MAP3K3: variants seen among roughly 807,000 people sequenced by gnomAD.
The protein encoded by MAP3K3 is mitogen-activated protein kinase kinase kinase 3.
A neutral mutation model predicts 80.9 loss-of-function variants in MAP3K3; 12 were observed. The ratio of observed to expected loss-of-function variants is 0.15; its 90% CI spans 0.10 to 0.24. The LOEUF is 0.24. MAP3K3 is among the 10% of genes least tolerant of loss of function. MAP3K3 has a pLI of 1.00. For synonymous variants in MAP3K3, 272 were observed against 307.1 expected (o/e 0.89, Z 1.19); for missense variants, 596 against 834.7 (o/e 0.71, Z 3.52).
intron 6 of MAP3K3, 105 bp from the exon 7 acceptor site, chr17:63,681,661 A>C: frequency 9.3e-7 from 1 of 1,076,574 alleles, no homozygotes; most frequent in Non-Finnish European, 1.2e-6. Flanking sequence ...GACCCATCTG[A>C]GTCACATTCC....
chr17:63,690,571 G>A, intron 12 of MAP3K3, 159 bp downstream of exon 12: 1 of 782,018 alleles, frequency 1.3e-6, no homozygotes, highest in East Asian at 2.7e-5. Context: ...AGGGTGAAAG[G>A]ACTGTGGTCT....
chr17:63,644,852 AT>A (rs1346464018), intron 2 of MAP3K3, among the ~76,000 whole-genome samples: 11 of 151,958 alleles, frequency 7.2e-5, no homozygotes, highest in African/African-American at 2.7e-4. Flanking sequence ...CTTCAAAATA[AT>A]TTTTCTTCAT....
chr17:63,688,707 T>C, intron 9 of MAP3K3, 82 bp from the exon 10 acceptor site: 2 of 1,407,044 alleles, frequency 1.4e-6, no homozygotes, highest in Admixed American at 3.4e-5. Flanking sequence ...TGCTTTGAGG[T>C]CTCAGGTGCC....
chr17:63,635,590 G>GATA (rs1292571898), intron 2 of MAP3K3, among the ~76,000 whole-genome samples: 1 of 152,234 alleles, frequency 6.6e-6, no homozygotes, highest in Non-Finnish European at 1.5e-5. Flanking sequence ...TTCTAGGAAA[G>GATA]ATAGGGTAAG....
rs539332830 is a variant in MAP3K3, at chr17:63,679,467, C to T, written c.503-2299C>T. 7.9e-5 allele frequency among the ~76,000 whole-genome samples: 12 copies of T among 152,192 alleles called. No homozygotes were observed. In the South Asian group the frequency reaches 2.1e-3, roughly 26 times the overall value. ...TACTTCCAGGTACAGGCTGAGTGCT[C>T]CTGGCTCCACATGAGCTTTGTTGTT... is the stretch of plus-strand genomic sequence containing the variant. On this transcript the variant is annotated intron_variant, in intron 6 of 15. Transcript: ENST00000361733.
At chr17:63,635,218 A>G (rs867189937) in intron 2 of MAP3K3, among the ~76,000 whole-genome samples, 13 of 152,242 alleles carry the variant, frequency 8.5e-5, no homozygotes, top group African/African-American at 2.9e-4. Flanking sequence ...TTATTGGGCA[A>G]GAAATTATGT....
chr17:63,623,176 G>A (rs983733333), intron 1 of MAP3K3, among the ~76,000 whole-genome samples: 1 of 152,146 alleles, frequency 6.6e-6, no homozygotes, highest in Non-Finnish European at 1.5e-5. Context: ...TCTTTTCCTT[G>A]ATTTGCTTTT....
intron 1 of MAP3K3, among the ~76,000 whole-genome samples, chr17:63,630,321 A>G (rs2143158083): frequency 6.6e-6 from 1 of 152,258 alleles, no homozygotes; most frequent in African/African-American, 2.4e-5. Context: ...AAATCAAAAC[A>G]AAAAACCAAG....
chr17:63,647,303 G>A (rs2034560209), intron 3 of MAP3K3, among the ~76,000 whole-genome samples: 2 of 152,160 alleles, frequency 1.3e-5, no homozygotes, highest in South Asian at 2.1e-4. Flanking sequence ...CCTGTGTCCT[G>A]CCATTAGCAG....
intron 2 of MAP3K3, among the ~76,000 whole-genome samples, chr17:63,644,541 A>G (rs779288956): frequency 3.3e-5 from 5 of 152,222 alleles, no homozygotes; most frequent in Non-Finnish European, 7.3e-5. Flanking sequence ...TTAAATGAAT[A>G]AAGTAAATTT....
intron 5 of MAP3K3, among the ~76,000 whole-genome samples, chr17:63,659,525 CTTTTTTTTTT>C (rs57166616): frequency 6.2e-5 from 4 of 64,590 alleles, no homozygotes; most frequent in Non-Finnish European, 1.1e-4. Context: ...CTGTCATGGA[CTTTTTTTTTT>C]TTTTTTTTTT....
At chr17:63,628,839 GATTAA>G (rs2143146390) in intron 1 of MAP3K3, among the ~76,000 whole-genome samples, 1 of 152,286 alleles carries the variant, frequency 6.6e-6, no homozygotes, top group South Asian at 2.1e-4. Flanking sequence ...TATTAGGGTA[GATTAA>G]ATGGCCTCCA....
At chr17:63,648,801 C>T (rs2034591473) in intron 3 of MAP3K3, among the ~76,000 whole-genome samples, 1 of 151,848 alleles carries the variant, frequency 6.6e-6, no homozygotes, top group Admixed American at 6.6e-5. Context: ...GGGGACAGAG[C>T]GAGACTCCAT....
At position 63,622,518 on chromosome 17, in the gene MAP3K3, G is replaced by C. The variant is rs1212380929; in HGVS notation, c.-242G>C. On this transcript the variant is annotated 5_prime_UTR_variant, in exon 1 of 16. Transcript: ENST00000361733. ...CGGGCCGAGCGGCGCCGCCGAGGCC[G>C]GGCTGGGCCGAGCCCAGGAGCGCCC... is the stretch of plus-strand genomic sequence containing the variant. The C allele has an allele frequency of 6.5e-6, 1 of 152,946 alleles. No individual in the cohort carries two copies. The highest frequency in any genetic ancestry group is 1.4e-5 in the Non-Finnish European group (1 of 69,056). 9.5% of individuals were successfully genotyped at this position (152,946 alleles called of 1,614,324 possible). A position where few individuals can be genotyped will look rare whatever the true frequency, so the allele number is the denominator to read the frequency against.
At chr17:63,657,330 A>G (rs2034791615) in intron 4 of MAP3K3, among the ~76,000 whole-genome samples, 1 of 152,168 alleles carries the variant, frequency 6.6e-6, no homozygotes, top group Admixed American at 6.5e-5. Flanking sequence ...GCATGGATGA[A>G]CTAAAAAACA....
At chr17:63,659,671 T>G (rs1279398694) in intron 5 of MAP3K3, among the ~76,000 whole-genome samples, 2 of 151,722 alleles carry the variant, frequency 1.3e-5, no homozygotes, top group Admixed American at 6.6e-5. Context: ...AAGCTGGGAT[T>G]ACAGGTGCAC....
chr17:63,668,729 G>A (rs374254974), intron 6 of MAP3K3, among the ~76,000 whole-genome samples: 46 of 152,318 alleles, frequency 3.0e-4, no homozygotes, highest in Middle Eastern at 3.4e-3. Flanking sequence ...AGAATGCTGA[G>A]GAGTGAGATT....
intron 2 of MAP3K3, among the ~76,000 whole-genome samples, chr17:63,633,524 A>G (rs936574363): frequency 4.6e-5 from 7 of 152,264 alleles, no homozygotes; most frequent in African/African-American, 1.7e-4. Context: ...TCTGAAGGCA[A>G]TAATGAGTGA....
At chr17:63,688,333 CA>C in intron 8 of MAP3K3, 193 bp from the exon 9 acceptor site, 1 of 613,198 alleles carries the variant, frequency 1.6e-6, no homozygotes, top group Non-Finnish European at 2.9e-6. Context: ...AGGGTGCTGT[CA>C]AATTTGGGTC....
Sources: gnomAD v4.1 joint callset for allele counts (sites outside exome capture counted in the v4.1 genomes callset) on GRCh38, gnomAD v4.1.1 for gene constraint, MANE v1.5 for transcripts, NCBI Gene and HGNC (gene_info 2026-07-23, HGNC 2026-07-21) for gene names.